The following NUP35 variants were observed in gnomAD, a reference collection of about 807,000 sequenced individuals.
The protein encoded by NUP35 is nucleoporin 35.
Under a neutral mutation model 41.5 loss-of-function variants are expected in NUP35, and 25 were observed. The observed-to-expected ratio is 0.60, with a 90% CI of 0.44 to 0.84. NUP35 has a LOEUF of 0.84. Ranked by LOEUF, NUP35 falls within the 40% of genes least tolerant of loss-of-function variation. The pLI, the probability that NUP35 is intolerant of heterozygous loss-of-function variation, is 0.00. For synonymous variants in NUP35, 149 were observed against 130.7 expected, an observed-to-expected ratio of 1.14 and a Z score of -0.96; for missense variants, 396 against 396.6, an observed-to-expected ratio of 1.00 and a Z score of 0.01.
intron 5 of NUP35, among the ~76,000 whole-genome samples, chr2:183,156,514 T>A (rs1448065457): frequency 3.3e-5 from 5 of 152,076 alleles, no homozygotes; most frequent in African/African-American, 1.2e-4. Flanking sequence ...TGATTTTTTG[T>A]ATTTTTAGTA....
rs146195153 is a variant in NUP35, at chr2:183,161,112, A to G, written c.962A>G (p.Glu321Gly). Reference protein sequence around the residue: ...KDESLVSKAMEYMFGW With the variant: ...KDESLVSKAMGYMFGW ...GAAAGTCTTGTATCCAAAGCAATGG[A>G]GTACATGTTTGGCTGGTAGTAGAAC... Residue 321 changes from glutamate (E) to glycine (G), a missense_variant, in exon 9 of 9, where the codon GAG becomes GGG. Glu to Gly is a moderately conservative substitution (Grantham distance 98). Coordinates refer to ENST00000295119, the MANE Select transcript of NUP35 (RefSeq NM_138285.5). 35 of 1,612,798 alleles carry G rather than the reference A, an allele frequency of 2.2e-5. No homozygotes were observed. Among genetic ancestry groups the G allele is most frequent in the Non-Finnish European group, 2.6e-5 (31 of 1,179,168 alleles).
chr2:183,157,663 C>A, intron 6 of NUP35, 150 bp downstream of exon 6: 1 of 593,370 alleles, frequency 1.7e-6, no homozygotes, highest in South Asian at 2.1e-5. Flanking sequence ...GTCTGGAAGG[C>A]TGGAAGTTGC....
chr2:183,135,796 C>G (rs1244666422), intron 4 of NUP35, among the ~76,000 whole-genome samples: 2 of 151,736 alleles, frequency 1.3e-5, no homozygotes, highest in Non-Finnish European at 2.9e-5. Context: ...CCCAGGAATT[C>G]GAGGTTGCAA....
At chr2:183,150,118 G>A (rs1685412982) in intron 4 of NUP35, among the ~76,000 whole-genome samples, 1 of 152,104 alleles carries the variant, frequency 6.6e-6, no homozygotes, top group South Asian at 2.1e-4. Context: ...TGTTGGCCAA[G>A]CCAGTCACAA....
chr2:183,138,269 A>ATATATATATATATATATATTTTTT, intron 4 of NUP35, among the ~76,000 whole-genome samples: 1 of 80,690 alleles, frequency 1.2e-5, no homozygotes. Context: ...ATATATATAT[A>ATATATATATATATATATATTTTTT]TTTTTTTTTT....
At chr2:183,155,678 C>A (rs1056319261) in intron 5 of NUP35, among the ~76,000 whole-genome samples, 1 of 150,910 alleles carries the variant, frequency 6.6e-6, no homozygotes, top group East Asian at 2.0e-4. Flanking sequence ...CTCAAGCAAT[C>A]CTTCTACCTC....
Position 183,136,585 on chromosome 2 carries a change from C to T in NUP35, c.397+2962C>T, listed in dbSNP as rs549298331. 3.3e-4 allele frequency among the ~76,000 whole-genome samples: 50 copies of T among 152,308 alleles called. 1 individual carries two copies. The highest frequency in any genetic ancestry group is 1.2e-3 in the African/African-American group (50 of 41,574). On this transcript the variant is annotated intron_variant, in intron 4 of 8. Transcript: ENST00000295119. ...ATGGCAGATCAAGTCCTTTGTTATG[C>T]TTCATATATCTCTAACTTTACTTTT... is the stretch of plus-strand genomic sequence containing the variant.
Position 183,145,935 on chromosome 2 carries a change from C to A in NUP35, c.398-5573C>A, listed in dbSNP as rs562659542. On this transcript the variant is annotated intron_variant, in intron 4 of 8. Coordinates refer to ENST00000295119, the MANE Select transcript of NUP35 (RefSeq NM_138285.5). ...TAACTGAAAAGAAAAAATATAATCACTTAAGAATTTCAAAAATCTGCTGTG... is the reference window on the plus strand; with the variant it reads ...TAACTGAAAAGAAAAAATATAATCAATTAAGAATTTCAAAAATCTGCTGTG... 3.7e-4 allele frequency among the ~76,000 whole-genome samples: 57 copies of A among 152,248 alleles called. 1 individual carries two copies. The highest frequency in any genetic ancestry group is 3.3e-3 in the Admixed American group (50 of 15,284).
chr2:183,126,183 C>T (rs1015936644), intron 1 of NUP35, among the ~76,000 whole-genome samples: 8 of 152,100 alleles, frequency 5.3e-5, no homozygotes, highest in South Asian at 2.1e-4. Flanking sequence ...CACAGTGTGC[C>T]GCCACTCCCA....
chr2:183,131,008 G>A, intron 3 of NUP35: 1 of 901,422 alleles, frequency 1.1e-6, no homozygotes, highest in Non-Finnish European at 1.6e-6. Context: ...CCCCAACAGG[G>A]TCCTGATCAG....
chr2:183,149,319 T>G (rs1685384985), intron 4 of NUP35, among the ~76,000 whole-genome samples: 1 of 152,220 alleles, frequency 6.6e-6, no homozygotes, highest in Non-Finnish European at 1.5e-5. Context: ...AATTTAAAAT[T>G]TAAGTATTAA....
rs995439200 is a variant in NUP35 at position 183,157,509 on chromosome 2, A to G, written c.605A>G (p.His202Arg). ...GCACAGTATGGGAATATCTTAAAACATGTGGTAAGGCTTAATTTTTTTCAG... is the reference window on the plus strand; with the variant it reads ...GCACAGTATGGGAATATCTTAAAACGTGTGGTAAGGCTTAATTTTTTTCAG... ...QFAQYGNILK[H>R]VMSNTGNWMH... The change falls in exon 6 of 9, where the codon CAT becomes CGT. Residue 202 changes from histidine (H) to arginine (R), a missense_variant. His to Arg is a conservative substitution (Grantham distance 29). Coordinates refer to ENST00000295119, the MANE Select transcript of NUP35 (RefSeq NM_138285.5). The G allele has an allele frequency of 6.2e-7, 1 of 1,604,448 alleles. No homozygotes were observed. Among genetic ancestry groups the G allele is most frequent in the Non-Finnish European group, 8.5e-7 (1 of 1,171,620 alleles).
At chr2:183,159,953 A>G in intron 8 of NUP35, 2 of 248,266 alleles carry the variant, frequency 8.1e-6, no homozygotes, top group South Asian at 1.4e-4. Flanking sequence ...TGCATCTTTG[A>G]CATGAGGGCG....
rs1553529413 is a variant in NUP35, at chr2:183,132,410, A to AAT, written c.340-1156_340-1155insAT. 3.8e-3 allele frequency among the ~76,000 whole-genome samples: 582 copies of AAT among 151,246 alleles called. 5 individuals are homozygous for AAT. Among genetic ancestry groups the AAT allele is most frequent in the African/African-American group, 0.013 (553 of 41,188 alleles). On this transcript the variant is annotated intron_variant, in intron 3 of 8. Coordinates refer to ENST00000295119, the MANE Select transcript of NUP35 (RefSeq NM_138285.5). ...CTCTACTGAAAATACAAAAAAAAAA[A>AAT]GGCTAGATGTGGTGGTGTGTACCTA...
At chr2:183,138,410 GGTT>G (rs1022626346) in intron 4 of NUP35, among the ~76,000 whole-genome samples, 1 of 151,564 alleles carries the variant, frequency 6.6e-6, no homozygotes, top group African/African-American at 2.4e-5. Flanking sequence ...TTTATGCTTA[GGTT>G]GTTTTTTGCA....
At chr2:183,137,708 G>C (rs72894537) in intron 4 of NUP35, among the ~76,000 whole-genome samples, 4,909 of 151,894 alleles carry the variant, frequency 0.032, 97 homozygotes, top group Non-Finnish European at 0.043. Context: ...TGGGAAGACC[G>C]CTTGAGCCGG....
chr2:183,129,812 C>G (rs1374817087), intron 2 of NUP35, among the ~76,000 whole-genome samples: 1 of 152,320 alleles, frequency 6.6e-6, no homozygotes, highest in Middle Eastern at 3.4e-3. Context: ...ATTAGTCTTA[C>G]CGATGGCCTG....
intron 5 of NUP35, 28 bp downstream of exon 5, chr2:183,151,677 A>T (rs768245221): frequency 1.3e-6 from 2 of 1,591,786 alleles, no homozygotes; most frequent in South Asian, 1.1e-5. Context: ...TTTGCCTTTT[A>T]AAAACCCCAC....
At chr2:183,138,267 A>ATTTTTT (rs1314190972) in intron 4 of NUP35, among the ~76,000 whole-genome samples, 23 of 74,044 alleles carry the variant, frequency 3.1e-4, no homozygotes, top group East Asian at 1.6e-3. Flanking sequence ...ATATATATAT[A>ATTTTTT]TATTTTTTTT....
Sources: gnomAD v4.1 joint callset for allele counts (sites outside exome capture counted in the v4.1 genomes callset) on GRCh38, gnomAD v4.1.1 for gene constraint, MANE v1.5 for transcripts, NCBI Gene and HGNC (gene_info 2026-07-23, HGNC 2026-07-21) for gene names.